Variants in FYB2 observed in about 807,000 individuals in gnomAD.
FYB2 encodes the protein FYN binding protein 2, also known as FYN-binding protein 2.
In FYB2, 103 loss-of-function variants were observed where a neutral mutation model predicts 94.1. The observed-to-expected ratio is 1.09, with a 90% confidence interval of 0.93 to 1.29. The LOEUF (loss-of-function observed/expected upper bound fraction) is 1.29, where lower values mean the gene tolerates loss of function less well. FYB2 is among the 50% of genes most tolerant of loss of function. The probability of loss-of-function intolerance (pLI) is 0.00; values close to 1 mark genes in which losing one functional copy is unlikely to be tolerated. For missense variants in FYB2, 896 were observed against 841.5 expected (o/e 1.06, Z -0.80); for synonymous variants, 293 against 287.9 (o/e 1.02, Z -0.18).
At chr1:56,749,087 C>G (rs545661366) in intron 9 of FYB2, among the ~76,000 whole-genome samples, 9 of 151,112 alleles carry the variant, frequency 6.0e-5, no homozygotes, top group African/African-American at 1.9e-4. Flanking sequence ...TGGTTTTTCC[C>G]CTTTGTCTGT....
upstream of FYB2, among the ~76,000 whole-genome samples, chr1:56,822,367 G>C (rs961288719): frequency 3.3e-5 from 5 of 152,186 alleles, no homozygotes; most frequent in Non-Finnish European, 5.9e-5. Flanking sequence ...GAGCTTGAAG[G>C]GTTCTTTGAA....
At chr1:56,815,031 T>G (rs1381169422) in intron 1 of FYB2, among the ~76,000 whole-genome samples, 1 of 152,170 alleles carries the variant, frequency 6.6e-6, no homozygotes, top group Admixed American at 6.5e-5. Flanking sequence ...GTGGCTCTCT[T>G]GGCTTACAGG....
intron 5 of FYB2, among the ~76,000 whole-genome samples, chr1:56,762,319 C>A (rs900676968): frequency 5.9e-5 from 9 of 152,068 alleles, no homozygotes; most frequent in African/African-American, 1.9e-4. Flanking sequence ...AGATAATTGA[C>A]ATTTTTACTG....
chr1:56,729,389 A>G (rs760207038), intron 15 of FYB2, among the ~76,000 whole-genome samples: 3 of 152,076 alleles, frequency 2.0e-5, no homozygotes, highest in Admixed American at 6.6e-5. Context: ...AGGAGAAGGA[A>G]TAACAGATAA....
rs78649894 is a variant in FYB2 at position 56,740,953 on chromosome 1, G to T, written c.1605-158C>A. Among the ~76,000 whole-genome samples the T allele has an allele frequency of 8.4e-3, 1,272 of 152,098 alleles. 43 individuals carry two copies. In the East Asian group the frequency reaches 0.11, roughly 13 times the overall value. On this transcript the variant is annotated intron_variant, in intron 12 of 19. Transcript: ENST00000343433. Reference sequence around the variant, plus strand: ...CATAAAGATGGAAATAACCGACACTGGGGACTCCAAAAAGCGGGAGGGTGG... The same window carrying T: ...CATAAAGATGGAAATAACCGACACTTGGGACTCCAAAAAGCGGGAGGGTGG...
intron 1 of FYB2, among the ~76,000 whole-genome samples, chr1:56,797,829 CA>C (rs1318255354): frequency 6.6e-6 from 1 of 152,208 alleles, no homozygotes; most frequent in Non-Finnish European, 1.5e-5. Flanking sequence ...CTGGCCGATA[CA>C]GCCTGGTTTG....
At chr1:56,729,298 T>C (rs950451271) in intron 15 of FYB2, among the ~76,000 whole-genome samples, 1 of 151,966 alleles carries the variant, frequency 6.6e-6, no homozygotes, top group Non-Finnish European at 1.5e-5. Flanking sequence ...TAAGACTGAA[T>C]TGTGGCTGTG....
chr1:56,736,253 T>A (rs1644827943), intron 15 of FYB2, among the ~76,000 whole-genome samples: 1 of 152,066 alleles, frequency 6.6e-6, no homozygotes, highest in African/African-American at 2.4e-5. Context: ...AAGGAGTTAT[T>A]AGTGACCTTA....
Position 56,751,208 on chromosome 1 carries a change from A to G in FYB2, c.1228-5T>C. 1 of 1,612,070 alleles carries G rather than the reference A, an allele frequency of 6.2e-7. No homozygotes were observed. Among genetic ancestry groups the G allele is most frequent in the Non-Finnish European group, 8.5e-7 (1 of 1,178,836 alleles). On this transcript the variant is annotated splice_region_variant and splice_polypyrimidine_tract_variant and intron_variant, in intron 8 of 19. Coordinates refer to ENST00000343433, the MANE Select transcript of FYB2 (RefSeq NM_001004303.5). ...TGTCCCTTCACAGGCATCTACCTAAACATATGCAAAAGGGAGAATACTGTA... is the reference window on the plus strand; with the variant it reads ...TGTCCCTTCACAGGCATCTACCTAAGCATATGCAAAAGGGAGAATACTGTA...
At chr1:56,788,413 G>A (rs1215577695) in intron 3 of FYB2, among the ~76,000 whole-genome samples, 1 of 152,200 alleles carries the variant, frequency 6.6e-6, no homozygotes, top group Non-Finnish European at 1.5e-5. Context: ...TGGGAGTGGT[G>A]AGGGATGAGA....
In FYB2 at chr1:56,783,158, A is replaced by C. The variant is rs149517033; in HGVS notation, c.953+4017T>G. Among the ~76,000 whole-genome samples the C allele has an allele frequency of 2.0e-3, 310 of 152,318 alleles. 1 individual carries two copies. Among genetic ancestry groups the C allele is most frequent in the African/African-American group, 6.9e-3 (285 of 41,570 alleles). Reference sequence around the variant, plus strand: ...CCAAGGTTTAGAGAAACTGAGACTCATTGAGTTTGTGTTTTCCATGCTTGA... The same window carrying C: ...CCAAGGTTTAGAGAAACTGAGACTCCTTGAGTTTGTGTTTTCCATGCTTGA... On this transcript the variant is annotated intron_variant, in intron 4 of 19. Transcript: ENST00000343433.
At chr1:56,719,747 T>C in intron 19 of FYB2, 55 bp from the exon 20 acceptor site, 1 of 1,392,274 alleles carries the variant, frequency 7.2e-7, no homozygotes, top group Non-Finnish European at 9.9e-7. Flanking sequence ...ATGAAACAGT[T>C]GAGTGGGAGA....
At chr1:56,765,770 T>C (rs1285366078) in intron 5 of FYB2, among the ~76,000 whole-genome samples, 1 of 152,230 alleles carries the variant, frequency 6.6e-6, no homozygotes, top group Non-Finnish European at 1.5e-5. Flanking sequence ...GGGCCTGATG[T>C]CCCTAGCTGG....
chr1:56,743,064 G>A (rs1644990772), intron 11 of FYB2, among the ~76,000 whole-genome samples: 1 of 151,848 alleles, frequency 6.6e-6, no homozygotes, highest in Non-Finnish European at 1.5e-5. Flanking sequence ...CATATTTTTT[G>A]TGGTGAGAAT....
chr1:56,794,753 T>C (rs955970485), intron 1 of FYB2, among the ~76,000 whole-genome samples: 2 of 152,132 alleles, frequency 1.3e-5, no homozygotes, highest in Non-Finnish European at 2.9e-5. Context: ...TCCCCTGACG[T>C]GGCAGAAGCC....
chr1:56,798,335 A>C (rs1240145484), intron 1 of FYB2, among the ~76,000 whole-genome samples: 1 of 152,230 alleles, frequency 6.6e-6, no homozygotes, highest in Non-Finnish European at 1.5e-5. Context: ...CCCATCTGGG[A>C]AGTACAGGCC....
Position 56,759,594 on chromosome 1 carries a change from A to G in FYB2, c.1064-844T>C, listed in dbSNP as rs372212043. Among the ~76,000 whole-genome samples the G allele has an allele frequency of 2.2e-4, 34 of 152,326 alleles. No homozygotes were observed. In the East Asian group the frequency reaches 5.2e-3, roughly 23 times the overall value. On this transcript the variant is annotated intron_variant, in intron 5 of 19. Coordinates refer to ENST00000343433, the MANE Select transcript of FYB2 (RefSeq NM_001004303.5). ...GATACACAATTCATTGTTAACTGAA[A>G]CATTGTGTAGCACATGACTATATTA...
intron 1 of FYB2, among the ~76,000 whole-genome samples, chr1:56,808,786 A>T (rs565026707): frequency 6.6e-6 from 1 of 152,308 alleles, no homozygotes; most frequent in South Asian, 2.1e-4. Flanking sequence ...GTCACGTTAT[A>T]TCTCATCCCC....
chr1:56,738,580 C>T (rs1436509297), intron 14 of FYB2, 45 bp downstream of exon 14: 1 of 1,559,906 alleles, frequency 6.4e-7, no homozygotes, highest in Admixed American at 1.8e-5. Flanking sequence ...TCTGAATATA[C>T]AAAAGCTGAG....
Sources: allele counts gnomAD v4.1 joint callset (sites outside exome capture counted in the v4.1 genomes callset), GRCh38; gene constraint gnomAD v4.1.1; transcripts MANE v1.5; gene names NCBI Gene and HGNC (gene_info 2026-07-23, HGNC 2026-07-21).